KLHDC10: variants seen among roughly 807,000 people sequenced by gnomAD.
KLHDC10 encodes the protein kelch domain containing 10, also known as kelch domain-containing protein 10.
In KLHDC10, 24 loss-of-function variants were observed where a neutral mutation model predicts 56.1. The observed-to-expected ratio is 0.43, with a 90% confidence interval of 0.31 to 0.60. KLHDC10 has a LOEUF of 0.60. KLHDC10 is among the 20% of genes least tolerant of loss of function. The pLI, the probability that KLHDC10 is intolerant of heterozygous loss-of-function variation, is 0.11. For synonymous variants in KLHDC10, 188 were observed against 207.1 expected (o/e 0.91, Z 0.79); for missense variants, 349 against 567.0 (o/e 0.62, Z 3.91).
chr7:130,118,109 G>C (rs903909863), intron 3 of KLHDC10, among the ~76,000 whole-genome samples: 1 of 151,972 alleles, frequency 6.6e-6, no homozygotes, highest in Non-Finnish European at 1.5e-5. Flanking sequence ...GGAAGGTGGG[G>C]GTTGCAATAA....
rs151268325 is a variant in KLHDC10 at position 130,092,649 on chromosome 7, G to A, written c.167-4272G>A. ...TCACACTGATTGTTCTAGCTGGAGA[G>A]TGACACCTTTGTTGTTTTTGCCACT... On this transcript the variant is annotated intron_variant, in intron 1 of 9. Transcript: ENST00000335420. Among the ~76,000 whole-genome samples the A allele has an allele frequency of 3.9e-5, 6 of 152,310 alleles. No individual in the cohort carries two copies. The East Asian group carries it at 1.2e-3, about 29-fold the overall frequency.
chr7:130,112,911 G>A (rs1357276474), intron 2 of KLHDC10, among the ~76,000 whole-genome samples: 1 of 152,020 alleles, frequency 6.6e-6, no homozygotes, highest in Non-Finnish European at 1.5e-5. Flanking sequence ...CCAACAGTTG[G>A]GCTGGATCAG....
intron 1 of KLHDC10, among the ~76,000 whole-genome samples, chr7:130,081,616 G>C (rs914474498): frequency 6.6e-6 from 1 of 152,246 alleles, no homozygotes; most frequent in African/African-American, 2.4e-5. Flanking sequence ...ACTGCACCCG[G>C]CATTTTGATA....
intron 2 of KLHDC10, among the ~76,000 whole-genome samples, chr7:130,108,083 G>T (rs1041987620): frequency 6.6e-6 from 1 of 150,626 alleles, no homozygotes; most frequent in Non-Finnish European, 1.5e-5. Context: ...AAAAAAACTA[G>T]CTGGTTGAGG....
rs1280505429 is a variant in KLHDC10, at chr7:130,129,644, A to T, written c.1119+68A>T. 3 of 1,498,526 alleles carry T rather than the reference A, an allele frequency of 2.0e-6. No homozygotes were observed. The African/African-American group carries it at 4.2e-5, about 21-fold the overall frequency. The allele number at this position is 1,498,526 out of a possible 1,614,324, so 92.8% of individuals were successfully genotyped here. A position where few individuals can be genotyped will look rare whatever the true frequency, so the allele number is the denominator to read the frequency against. On this transcript the variant is annotated intron_variant, in intron 9 of 9. Coordinates refer to ENST00000335420, the MANE Select transcript of KLHDC10 (RefSeq NM_014997.4). Reference sequence around the variant, plus strand: ...ATAAGGAAATCTTTTTAGAGATATTAGCAAGAAAAAAAGCCAGATATAGGC... The same window carrying T: ...ATAAGGAAATCTTTTTAGAGATATTTGCAAGAAAAAAAGCCAGATATAGGC...
intron 2 of KLHDC10, among the ~76,000 whole-genome samples, chr7:130,106,954 G>C (rs979740175): frequency 2.0e-5 from 3 of 152,158 alleles, no homozygotes; most frequent in Non-Finnish European, 4.4e-5. Context: ...CTGGGCAATA[G>C]AGCAAGACCC....
chr7:130,096,798 C>CT (rs1191893551), intron 1 of KLHDC10, 123 bp from the exon 2 acceptor site: 17 of 607,996 alleles, frequency 2.8e-5, no homozygotes, highest in Non-Finnish European at 4.7e-5. Context: ...CTTTACGTCA[C>CT]TTTCTTTCTG....
Position 130,122,254 on chromosome 7 carries a change from T to A in KLHDC10, c.779+52T>A, listed in dbSNP as rs149523628. On this transcript the variant is annotated intron_variant, in intron 5 of 9. Transcript: ENST00000335420. ...TATTCTTTCGTGCTAACATTTGACC[T>A]CTTTCAGAGTGTTGGCAATATGAAG... 9,209 of 1,563,612 alleles carry A rather than the reference T, an allele frequency of 5.9e-3. 54 individuals carry two copies. Among genetic ancestry groups the A allele is most frequent in the South Asian group, 0.012 (1,055 of 85,262 alleles).
intron 1 of KLHDC10, among the ~76,000 whole-genome samples, chr7:130,096,493 T>A (rs574892041): frequency 6.6e-6 from 1 of 152,290 alleles, no homozygotes; most frequent in East Asian, 1.9e-4. Context: ...TTCTTAACCA[T>A]ATAATTAATA....
At position 130,102,245 on chromosome 7, in the gene KLHDC10, G is replaced by T. The variant is rs61354543; in HGVS notation, c.253+5238G>T. Among the ~76,000 whole-genome samples the T allele has an allele frequency of 1.7e-3, 255 of 152,274 alleles. 1 individual carries two copies. The highest frequency in any genetic ancestry group is 5.8e-3 in the African/African-American group (240 of 41,568). Reference sequence around the variant, plus strand: ...ACTTACCTGCAGAGACCCACACTCAGACAGACCTTCCATTTGGGTTTTGGA... The same window carrying T: ...ACTTACCTGCAGAGACCCACACTCATACAGACCTTCCATTTGGGTTTTGGA... On this transcript the variant is annotated intron_variant, in intron 2 of 9. Transcript: ENST00000335420.
intron 2 of KLHDC10, among the ~76,000 whole-genome samples, chr7:130,104,027 G>A (rs537507589): frequency 6.6e-6 from 1 of 152,248 alleles, no homozygotes; most frequent in East Asian, 1.9e-4. Context: ...GGCGGAGGTT[G>A]CAGTGAGCCA....
chr7:130,108,772 C>T (rs1796057547), intron 2 of KLHDC10, among the ~76,000 whole-genome samples: 1 of 151,470 alleles, frequency 6.6e-6, no homozygotes, highest in African/African-American at 2.4e-5. Context: ...TCTCCTGTAT[C>T]CTTTACCCAG....
chr7:130,133,073 A>T lies in KLHDC10; in HGVS notation c.*2327A>T, dbSNP rs191631987. The T allele has an allele frequency of 6.6e-6, 1 of 152,358 alleles. No individual in the cohort carries two copies. Among genetic ancestry groups the T allele is most frequent in the Admixed American group, 6.5e-5 (1 of 15,308 alleles). The allele number at this position is 152,358 out of a possible 1,614,324, so 9.4% of individuals were successfully genotyped here. ...CTGTGTGTTTTATTTTCATAAAAGT[A>T]TATATCCTTGGTCTAAAGTGTCTTC... On this transcript the variant is annotated 3_prime_UTR_variant, in exon 10 of 10. Coordinates refer to ENST00000335420, the MANE Select transcript of KLHDC10 (RefSeq NM_014997.4).
At chr7:130,099,639 G>A (rs1454323817) in intron 2 of KLHDC10, among the ~76,000 whole-genome samples, 1 of 152,150 alleles carries the variant, frequency 6.6e-6, no homozygotes, top group Non-Finnish European at 1.5e-5. Context: ...ACAGGACATG[G>A]TGTTTTTAGA....
At chr7:130,075,155 T>C (rs1251132044) in intron 1 of KLHDC10, among the ~76,000 whole-genome samples, 2 of 152,200 alleles carry the variant, frequency 1.3e-5, no homozygotes, top group Non-Finnish European at 2.9e-5. Context: ...AGAATAAGTA[T>C]GCAGAGAGCT....
intron 8 of KLHDC10, 41 bp from the exon 9 acceptor site, chr7:130,129,396 C>T (rs1465381751): frequency 6.2e-7 from 1 of 1,610,056 alleles, no homozygotes; most frequent in East Asian, 2.2e-5. Context: ...AGCTTTGGCT[C>T]TTTTCCTTTG....
At chr7:130,101,604 T>C (rs1795930330) in intron 2 of KLHDC10, among the ~76,000 whole-genome samples, 1 of 152,074 alleles carries the variant, frequency 6.6e-6, no homozygotes, top group African/African-American at 2.4e-5. Flanking sequence ...GATAAAGCCA[T>C]GAGAACATTT....
At chr7:130,073,845 T>G (rs1305468954) in intron 1 of KLHDC10, among the ~76,000 whole-genome samples, 1 of 152,150 alleles carries the variant, frequency 6.6e-6, no homozygotes, top group Non-Finnish European at 1.5e-5. Context: ...GTGTAATCAT[T>G]TACCAAGTCC....
In KLHDC10 at chr7:130,130,131, AC is replaced by A. The variant is rs1459874299; in HGVS notation, c.1120-405del. Among the ~76,000 whole-genome samples, 11 of 151,736 alleles carry A rather than the reference AC, an allele frequency of 7.2e-5. No homozygotes were observed. Among genetic ancestry groups the A allele is most frequent in the Non-Finnish European group, 1.5e-4 (10 of 67,924 alleles). ...GGAGATTGAGACCATCCTGGCTAACACGGATGAAACCCCATCTCTACTAAAA... is the reference window on the plus strand; with the variant it reads ...GGAGATTGAGACCATCCTGGCTAACAGGATGAAACCCCATCTCTACTAAAA... On this transcript the variant is annotated intron_variant, in intron 9 of 9. Transcript: ENST00000335420. The surrounding 1 kb of genome is among the most constrained non-coding windows in gnomAD (Gnocchi z 4.2).
Sources: allele counts gnomAD v4.1 joint callset (sites outside exome capture counted in the v4.1 genomes callset), GRCh38; gene constraint gnomAD v4.1.1; non-coding constraint Gnocchi (gnomAD v3.1); transcripts MANE v1.5; gene names NCBI Gene and HGNC (gene_info 2026-07-23, HGNC 2026-07-21).